PRKAA1: variants seen among roughly 807,000 people sequenced by gnomAD.
PRKAA1 encodes the protein protein kinase AMP-activated catalytic subunit alpha 1, also known as 5'-AMP-activated protein kinase catalytic subunit alpha-1.
A neutral mutation model predicts 56.9 loss-of-function variants in PRKAA1; 23 were observed. That is an observed-to-expected ratio of 0.40 (90% CI 0.29 to 0.57). The LOEUF (loss-of-function observed/expected upper bound fraction) is 0.57. Among genes scored for constraint, PRKAA1 ranks in the 20% least tolerant of loss-of-function variants. The probability of loss-of-function intolerance (pLI) is 0.39; values close to 1 mark genes in which losing one functional copy is unlikely to be tolerated. For synonymous variants in PRKAA1, 226 were observed against 227.0 expected, an observed-to-expected ratio of 1.00 and a Z score of 0.04; for missense variants, 413 against 679.7, an observed-to-expected ratio of 0.61 and a Z score of 4.36.
intron 1 of PRKAA1, among the ~76,000 whole-genome samples, chr5:40,789,362 A>G (rs144331759): frequency 1.3e-3 from 203 of 152,370 alleles, no homozygotes; most frequent in Non-Finnish European, 1.9e-3. Flanking sequence ...AAGGTGAAAG[A>G]TAAGTGTTAG....
At position 40,765,049 on chromosome 5, in the gene PRKAA1, G is replaced by C; in HGVS notation, c.1011C>G (p.Leu337=). The C allele has an allele frequency of 6.2e-7, 1 of 1,614,160 alleles. No homozygotes were observed. The highest frequency in any genetic ancestry group is 8.5e-7 in the Non-Finnish European group (1 of 1,179,998). The change falls in exon 7 of 9, where the codon CTC becomes CTG. Residue 337 remains leucine, a synonymous_variant. Coordinates refer to ENST00000397128, the MANE Select transcript of PRKAA1 (RefSeq NM_006251.6). Reference sequence around the variant, plus strand: ...TCATTATTCTCCTGTTATCTATTATGAGATGGTAGGCAACTGCCAAAGGAT... The same window carrying C: ...TCATTATTCTCCTGTTATCTATTATCAGATGGTAGGCAACTGCCAAAGGAT... The part of the protein sequence containing the change: ...HQDPLAVAYH[L]IIDNRRIMNE...
In PRKAA1 at chr5:40,774,935, G is replaced by A. The variant is rs747366475; in HGVS notation, c.363+475C>T. 18 of 1,599,434 alleles carry A rather than the reference G, an allele frequency of 1.1e-5. No individual in the cohort carries two copies. The East Asian group carries it at 1.3e-4, about 12-fold the overall frequency. On this transcript the variant is annotated intron_variant, in intron 3 of 8. Coordinates refer to ENST00000397128, the MANE Select transcript of PRKAA1 (RefSeq NM_006251.6). ...TTTATATCTAATTCCTACCTCCTTC[G>A]TGGAGCCTGTTTTTACTACTCCAGG...
chr5:40,771,997 G>C, intron 3 of PRKAA1, 134 bp from the exon 4 acceptor site: 2 of 1,100,074 alleles, frequency 1.8e-6, no homozygotes, highest in Non-Finnish European at 2.6e-6. Context: ...AGATACTTTT[G>C]ACATGAGGAG....
intron 1 of PRKAA1, among the ~76,000 whole-genome samples, chr5:40,784,438 T>C (rs1744387767): frequency 6.6e-6 from 1 of 152,174 alleles, no homozygotes; most frequent in Non-Finnish European, 1.5e-5. Context: ...TTCAACTCAT[T>C]TCCTGACTTT....
At chr5:40,765,826 G>C (rs1743407023) in intron 6 of PRKAA1, among the ~76,000 whole-genome samples, 1 of 151,972 alleles carries the variant, frequency 6.6e-6, no homozygotes, top group Non-Finnish European at 1.5e-5. Context: ...ACCCAGTTCT[G>C]TGTGACTGGA....
At chr5:40,775,170 C>A (rs1241565500) in intron 3 of PRKAA1, among the ~76,000 whole-genome samples, 2 of 152,190 alleles carry the variant, frequency 1.3e-5, no homozygotes, top group African/African-American at 4.8e-5. Flanking sequence ...TAATAAATCA[C>A]GTTACTGTGA....
chr5:40,797,933 G>A (rs998342346), intron 1 of PRKAA1, 130 bp downstream of exon 1: 6 of 1,437,028 alleles, frequency 4.2e-6, no homozygotes, highest in East Asian at 5.8e-5. Flanking sequence ...GCTCCCGCAG[G>A]ATCCGGGACA....
rs533382255 is a variant in PRKAA1 at position 40,776,166 on chromosome 5, T to G, written c.270-663A>C. 1.9e-3 allele frequency among the ~76,000 whole-genome samples: 292 copies of G among 152,314 alleles called. 1 individual carries two copies. Among genetic ancestry groups the G allele is most frequent in the African/African-American group, 6.6e-3 (274 of 41,576 alleles). ...AGGATTTCATGAGACAGATGGTGGC[T>G]GAGACCAGGTTGACAGCAATAAAGG... On this transcript the variant is annotated intron_variant, in intron 2 of 8. Coordinates refer to ENST00000397128, the MANE Select transcript of PRKAA1 (RefSeq NM_006251.6).
chr5:40,780,198 C>A (rs936905717), intron 1 of PRKAA1, among the ~76,000 whole-genome samples: 9 of 152,120 alleles, frequency 5.9e-5, no homozygotes, highest in Non-Finnish European at 1.3e-4. Flanking sequence ...TTGGCCATTG[C>A]AATTAAGTGA....
intron 4 of PRKAA1, among the ~76,000 whole-genome samples, chr5:40,769,743 T>C (rs1227714894): frequency 6.6e-6 from 1 of 152,118 alleles, no homozygotes; most frequent in Admixed American, 6.5e-5. Context: ...ATTAAGCTGT[T>C]GGTTATTTTG....
At chr5:40,795,004 T>TACACACACAC (rs776449388) in intron 1 of PRKAA1, among the ~76,000 whole-genome samples, 5,541 of 137,516 alleles carry the variant, frequency 0.04, 119 homozygotes, top group African/African-American at 0.043. Flanking sequence ...TGTATACATA[T>TACACACACAC]ATATACACAC....
At chr5:40,786,117 T>G (rs1744472569) in intron 1 of PRKAA1, among the ~76,000 whole-genome samples, 1 of 151,678 alleles carries the variant, frequency 6.6e-6, no homozygotes, top group Non-Finnish European at 1.5e-5. Context: ...TAGCCAGGAG[T>G]GGTGGAACAC....
intron 1 of PRKAA1, among the ~76,000 whole-genome samples, chr5:40,780,676 T>C (rs943413545): frequency 6.6e-6 from 1 of 152,164 alleles, no homozygotes; most frequent in African/African-American, 2.4e-5. Context: ...GTGTATGTCC[T>C]AGAGTCCAAA....
Position 40,765,130 on chromosome 5 carries a change from C to A in PRKAA1, c.930G>T (p.Lys310Asn). The A allele has an allele frequency of 6.2e-7, 1 of 1,614,162 alleles. No homozygotes were observed. Among genetic ancestry groups the A allele is most frequent in the Non-Finnish European group, 8.5e-7 (1 of 1,180,010 alleles). Reference sequence around the variant, plus strand: ...GAACTTCCTCTTCTGAGCACTCAAACTTTTCACATACTTCTTTTAAGGCTT... The same window carrying A: ...GAACTTCCTCTTCTGAGCACTCAAAATTTTCACATACTTCTTTTAAGGCTT... The part of the protein sequence containing the change: ...DDEALKEVCE[K>N]FECSEEEVLS... The change falls in exon 7 of 9, where the codon AAG becomes AAT. Residue 310 changes from lysine (K) to asparagine (N), a missense_variant. Physicochemically the swap from Lys to Asn is moderately conservative, Grantham distance 94 (BLOSUM62 0). Transcript: ENST00000397128.
intron 2 of PRKAA1, chr5:40,776,989 T>C (rs559810189): frequency 1.3e-4 from 20 of 154,480 alleles, no homozygotes; most frequent in South Asian, 1.2e-3. Context: ...TCAATGGGGT[T>C]AGAAAAATAC....
intron 1 of PRKAA1, among the ~76,000 whole-genome samples, chr5:40,791,348 C>T (rs567319140): frequency 3.9e-5 from 6 of 152,304 alleles, no homozygotes; most frequent in Admixed American, 1.3e-4. Flanking sequence ...ATTTTGGCCA[C>T]GGAAGACTTG....
intron 2 of PRKAA1, 52 bp downstream of exon 2, chr5:40,777,393 A>G: frequency 6.5e-7 from 1 of 1,527,630 alleles, no homozygotes; most frequent in South Asian, 1.2e-5. Flanking sequence ...AAGTAGGTTA[A>G]CAAAAAAGAT....
chr5:40,792,909 A>C (rs551543449), intron 1 of PRKAA1, among the ~76,000 whole-genome samples: 8 of 145,976 alleles, frequency 5.5e-5, no homozygotes, highest in Non-Finnish European at 9.0e-5. Context: ...CTAAAAATAC[A>C]AAAAAAAAAT....
intron 1 of PRKAA1, among the ~76,000 whole-genome samples, chr5:40,795,786 T>C (rs776905765): frequency 3.2e-4 from 48 of 152,188 alleles, no homozygotes; most frequent in Admixed American, 2.6e-4. Flanking sequence ...TTTAACCATA[T>C]CTATGAAACC....
Sources: gnomAD v4.1 joint callset for allele counts (sites outside exome capture counted in the v4.1 genomes callset) on GRCh38, gnomAD v4.1.1 for gene constraint, MANE v1.5 for transcripts, NCBI Gene and HGNC (gene_info 2026-07-23, HGNC 2026-07-21) for gene names.